Variants in ZNF320 observed in about 807,000 individuals in gnomAD.
ZNF320 encodes the protein zinc finger protein 320.
ZNF320 carries 2 observed loss-of-function variants against 6.8 expected under a neutral mutation model. That is an observed-to-expected ratio of 0.29 (90% CI 0.12 to 0.93). ZNF320 has a LOEUF of 0.93. Among genes scored for constraint, ZNF320 ranks in the 40% least tolerant of loss-of-function variants. The probability of loss-of-function intolerance (pLI) is 0.55; values close to 1 mark genes in which losing one functional copy is unlikely to be tolerated. For synonymous variants in ZNF320, 208 were observed against 203.2 expected (o/e 1.02, Z -0.20); for missense variants, 472 against 611.0 (o/e 0.77, Z 2.40).
rs1190720790 is a variant in ZNF320, at chr19:52,877,144, G to A, written c.*3452C>T. 2 of 152,296 alleles carry A rather than the reference G, an allele frequency of 1.3e-5. No homozygotes were observed. The highest frequency in any genetic ancestry group is 4.8e-5 in the African/African-American group (2 of 41,442). The allele number at this position is 152,296 out of a possible 1,614,324, so 9.4% of individuals were successfully genotyped here. ...GAAAAAGGAAACACATGCGTCCTGG[G>A]TCTGGGGACAGGGAGAGTCTAAGGC... is the stretch of plus-strand genomic sequence containing the variant. On this transcript the variant is annotated 3_prime_UTR_variant, in exon 6 of 6. Coordinates refer to ENST00000682928, the MANE Select transcript of ZNF320 (RefSeq NM_001351774.2).
chr19:52,862,533 G>T, exon 6 of ZNF320: 1 of 355,054 alleles, frequency 2.8e-6, no homozygotes, highest in South Asian at 2.4e-5. Flanking sequence ...GTTCTCCAAT[G>T]ATTTGCAAGT....
the ZNF320 span, among the ~76,000 whole-genome samples, chr19:52,904,107 C>G: frequency 6.6e-6 from 1 of 152,230 alleles, no homozygotes; most frequent in East Asian, 1.9e-4. Context: ...ATTAGTCTTA[C>G]CAAGTTTCAG....
chr19:52,899,267 C>T (rs1049336337), upstream of ZNF320, among the ~76,000 whole-genome samples: 12 of 152,160 alleles, frequency 7.9e-5, no homozygotes, highest in Admixed American at 3.9e-4. Context: ...AATTTTTAAA[C>T]ATGGCTCCTG....
rs1184329039 is a variant in ZNF320 at position 52,877,764 on chromosome 19, G to C, written c.*2832C>G. 3.3e-5 allele frequency: 5 copies of C among 152,248 alleles called. No individual in the cohort carries two copies. The East Asian group carries it at 9.6e-4, about 29-fold the overall frequency. 9.4% of individuals were successfully genotyped at this position (152,248 alleles called of 1,614,324 possible). On this transcript the variant is annotated 3_prime_UTR_variant, in exon 6 of 6. Transcript: ENST00000682928. Reference sequence around the variant, plus strand: ...ATTTTTATTTTCCTTTCACAAGCTTGTGACAGCCATAATGCTTTGACACAC... The same window carrying C: ...ATTTTTATTTTCCTTTCACAAGCTTCTGACAGCCATAATGCTTTGACACAC...
upstream of ZNF320, among the ~76,000 whole-genome samples, chr19:52,900,621 C>G (rs1237863145): frequency 1.3e-5 from 2 of 152,068 alleles, no homozygotes; most frequent in Non-Finnish European, 2.9e-5. Context: ...GCCTGAAATA[C>G]TGGTTCTGGA....
At chr19:52,860,012 A>C (rs558484792), downstream of ZNF320, among the ~76,000 whole-genome samples, 3 of 150,408 alleles carry the variant, frequency 2.0e-5, no homozygotes, top group Non-Finnish European at 4.4e-5. Flanking sequence ...TCCCGGGTTC[A>C]CGCCATTCTC....
chr19:52,886,704 A>G (rs145226139), intron 5 of ZNF320, among the ~76,000 whole-genome samples: 53 of 152,222 alleles, frequency 3.5e-4, no homozygotes, highest in African/African-American at 1.2e-3. Context: ...GGGAAGCCGA[A>G]GCAGGTGAAT....
chr19:52,883,128 G>A (rs961498886), intron 5 of ZNF320, among the ~76,000 whole-genome samples: 1 of 151,788 alleles, frequency 6.6e-6, no homozygotes, highest in Non-Finnish European at 1.5e-5. Flanking sequence ...TGCAACCTCC[G>A]CCTCCTGGGT....
At chr19:52,870,622 C>T (rs2147782888) in intron 5 of ZNF320, among the ~76,000 whole-genome samples, 1 of 152,112 alleles carries the variant, frequency 6.6e-6, no homozygotes, top group African/African-American at 2.4e-5. Flanking sequence ...CATGCCATTA[C>T]ACGTGTGGTG....
rs146608564 is a variant in ZNF320, at chr19:52,885,185, G to A, written c.142+2942C>T. The stretch of plus-strand genomic sequence containing the variant: ...CCACTGCACTTTAGCCTGGGTGAGA[G>A]ACTGAGACTGTGTCTCAAAGAAAAA... On this transcript the variant is annotated intron_variant, in intron 5 of 5. Coordinates refer to ENST00000682928, the MANE Select transcript of ZNF320 (RefSeq NM_001351774.2). Among the ~76,000 whole-genome samples, 58 of 152,116 alleles carry A rather than the reference G, an allele frequency of 3.8e-4. No individual in the cohort carries two copies. In the East Asian group the frequency reaches 8.9e-3, roughly 23 times the overall value.
At chr19:52,897,849 T>A (rs1203527870), upstream of ZNF320, among the ~76,000 whole-genome samples, 1 of 150,568 alleles carries the variant, frequency 6.6e-6, no homozygotes, top group African/African-American at 2.4e-5. Context: ...GGGAGAAGAG[T>A]CCTGGGCTAT....
At chr19:52,896,070 C>G (rs1426526862) in intron 1 of ZNF320, among the ~76,000 whole-genome samples, 1 of 152,088 alleles carries the variant, frequency 6.6e-6, no homozygotes, top group Non-Finnish European at 1.5e-5. Flanking sequence ...TCATAAGATT[C>G]TACCAAAGCT....
chr19:52,882,578 CAA>C (rs1283810610), intron 5 of ZNF320, among the ~76,000 whole-genome samples: 2 of 152,146 alleles, frequency 1.3e-5, no homozygotes, highest in Non-Finnish European at 2.9e-5. Flanking sequence ...AGCCAAGATG[CAA>C]AGTTTGCAGT....
chr19:52,867,953 C>A (rs2147776946), intron 5 of ZNF320, among the ~76,000 whole-genome samples: 1 of 152,196 alleles, frequency 6.6e-6, no homozygotes, highest in Non-Finnish European at 1.5e-5. Flanking sequence ...GCATGTTGGA[C>A]TGACTGGTCT....
intron 5 of ZNF320, among the ~76,000 whole-genome samples, chr19:52,887,674 C>T (rs1474486345): frequency 6.6e-6 from 1 of 152,122 alleles, no homozygotes; most frequent in African/African-American, 2.4e-5. Context: ...GCAACCTTGG[C>T]CTCCTGGGTT....
At chr19:52,863,953 C>A in exon 6 of ZNF320, 2 of 418,166 alleles carry the variant, frequency 4.8e-6, no homozygotes, top group Non-Finnish European at 9.1e-6. Flanking sequence ...GGGGCAAAAT[C>A]ACAAAAGAGA....
intron 5 of ZNF320, among the ~76,000 whole-genome samples, chr19:52,866,154 G>C (rs1418853378): frequency 1.2e-5 from 1 of 82,504 alleles, no homozygotes; most frequent in Admixed American, 1.2e-4. Context: ...ATATATGTAT[G>C]ATTATACATA....
At chr19:52,859,761 T>A (rs111887808), downstream of ZNF320, among the ~76,000 whole-genome samples, 846 of 152,278 alleles carry the variant, frequency 5.6e-3, 2 homozygotes, top group Middle Eastern at 0.014. Context: ...AAAGGTCTTA[T>A]CTCTGGGGCT....
At chr19:52,903,166 TTA>T in the ZNF320 span, among the ~76,000 whole-genome samples, 1 of 152,208 alleles carries the variant, frequency 6.6e-6, no homozygotes, top group Non-Finnish European at 1.5e-5. Flanking sequence ...AAAGCAAACT[TTA>T]TGTCTTTGGA....
Sources: allele counts gnomAD v4.1 joint callset (sites outside exome capture counted in the v4.1 genomes callset), GRCh38; gene constraint gnomAD v4.1.1; transcripts MANE v1.5; gene names NCBI Gene and HGNC (gene_info 2026-07-23, HGNC 2026-07-21).